RNFT2: variants seen among roughly 807,000 people sequenced by gnomAD.
The protein encoded by RNFT2 is E3 ubiquitin-protein ligase RNFT2.
A neutral mutation model predicts 53.0 loss-of-function variants in RNFT2; 36 were observed. The ratio of observed to expected loss-of-function variants is 0.68; its 90% CI spans 0.52 to 0.90. The LOEUF is 0.90. RNFT2 is among the 40% of genes least tolerant of loss of function. The pLI, the probability that RNFT2 is intolerant of heterozygous loss-of-function variation, is 0.00. For synonymous variants in RNFT2, 260 were observed against 253.2 expected (o/e 1.03, Z -0.26); for missense variants, 514 against 585.6 (o/e 0.88, Z 1.26).
chr12:116,793,968 G>A (rs1253011526), intron 7 of RNFT2, among the ~76,000 whole-genome samples: 1 of 152,138 alleles, frequency 6.6e-6, no homozygotes, highest in African/African-American at 2.4e-5. Flanking sequence ...ACCACTGTGG[G>A]CTGAATTCAG....
intron 7 of RNFT2, among the ~76,000 whole-genome samples, chr12:116,795,904 C>A (rs1161534317): frequency 6.6e-6 from 1 of 151,750 alleles, no homozygotes; most frequent in Admixed American, 6.6e-5. Flanking sequence ...CTCCAGTGGT[C>A]ATTTCTTTTT....
At chr12:116,757,624 C>T (rs1237481806) in intron 5 of RNFT2, among the ~76,000 whole-genome samples, 1 of 152,094 alleles carries the variant, frequency 6.6e-6, no homozygotes, top group African/African-American at 2.4e-5. Context: ...CATGTGTTTG[C>T]ATGGTTTTGA....
At chr12:116,753,187 G>A (rs1435366601) in intron 4 of RNFT2, among the ~76,000 whole-genome samples, 20 of 100,742 alleles carry the variant, frequency 2.0e-4, no homozygotes, top group Non-Finnish European at 3.3e-4. Flanking sequence ...GTCTTGCTCT[G>A]TTGCCCAGGC....
chr12:116,749,816 G>C, intron 3 of RNFT2, 25 bp from the exon 4 acceptor site: 1 of 1,553,094 alleles, frequency 6.4e-7, no homozygotes. Context: ...TGACTTCCTG[G>C]GGTTTCTCTC....
chr12:116,827,351 G>C (rs1163053883), intron 7 of RNFT2, among the ~76,000 whole-genome samples: 1 of 152,250 alleles, frequency 6.6e-6, no homozygotes. Context: ...AGTTAGCTGA[G>C]ACCCAAAAGA....
In RNFT2 at chr12:116,814,622, C is replaced by T. The variant is rs192958496; in HGVS notation, c.883-19170C>T. 1.9e-3 allele frequency among the ~76,000 whole-genome samples: 290 copies of T among 152,090 alleles called. 1 individual carries two copies. The highest frequency in any genetic ancestry group is 6.8e-3 in the African/African-American group (281 of 41,518). On this transcript the variant is annotated intron_variant, in intron 7 of 10. Coordinates refer to ENST00000257575, the MANE Select transcript of RNFT2 (RefSeq NM_001382266.1). ...GGGGCAGGGCAACTTCATGGGCAAG[C>T]ACCCTTTGCAGAAGGCCCAAACACT... is the stretch of plus-strand genomic sequence containing the variant.
intron 7 of RNFT2, among the ~76,000 whole-genome samples, chr12:116,796,921 C>T (rs1482628037): frequency 6.6e-6 from 1 of 152,220 alleles, no homozygotes; most frequent in African/African-American, 2.4e-5. Context: ...TAGTGATTCC[C>T]AACTAGGGGG....
At chr12:116,821,107 T>C (rs985274469) in intron 7 of RNFT2, among the ~76,000 whole-genome samples, 23 of 152,176 alleles carry the variant, frequency 1.5e-4, no homozygotes, top group African/African-American at 5.3e-4. Flanking sequence ...TCTTCCCCTG[T>C]TGCCTTCTCA....
At chr12:116,805,560 C>T (rs563610687) in intron 7 of RNFT2, among the ~76,000 whole-genome samples, 269 of 152,264 alleles carry the variant, frequency 1.8e-3, no homozygotes, top group Non-Finnish European at 2.5e-3. Flanking sequence ...GTATAACCTT[C>T]GCCTCCCGGG....
chr12:116,788,804 G>A (rs1234752682), intron 7 of RNFT2, among the ~76,000 whole-genome samples: 1 of 133,332 alleles, frequency 7.5e-6, no homozygotes, highest in African/African-American at 2.9e-5. Flanking sequence ...GATCATCTGG[G>A]AAGTTTGGTG....
At chr12:116,847,949 C>T (rs964096320) in intron 10 of RNFT2, among the ~76,000 whole-genome samples, 1 of 152,194 alleles carries the variant, frequency 6.6e-6, no homozygotes, top group Non-Finnish European at 1.5e-5. Context: ...AACCCATCAC[C>T]TAGGTATTAA....
intron 7 of RNFT2, among the ~76,000 whole-genome samples, chr12:116,802,837 G>C (rs755829226): frequency 2.0e-5 from 3 of 152,092 alleles, no homozygotes; most frequent in Non-Finnish European, 4.4e-5. Context: ...GCTCATGCCT[G>C]TAATCCTAGC....
intron 6 of RNFT2, among the ~76,000 whole-genome samples, chr12:116,768,001 G>C (rs1011228069): frequency 6.6e-6 from 1 of 151,698 alleles, no homozygotes; most frequent in Admixed American, 6.6e-5. Context: ...GAATAGTGCA[G>C]GTCTGGAATA....
Position 116,847,616 on chromosome 12 carries a change from C to A in RNFT2, c.1201-1698C>A, listed in dbSNP as rs1877687087. Among the ~76,000 whole-genome samples, 2 of 152,016 alleles carry A rather than the reference C, an allele frequency of 1.3e-5. 1 individual carries two copies. The highest frequency in any genetic ancestry group is 4.1e-4 in the South Asian group (2 of 4,826). Reference sequence around the variant, plus strand: ...GATCTCAGCTCACCGCAACCTCTGCCTCCAGGGTTCAAGTGATTCTCCTGC... The same window carrying A: ...GATCTCAGCTCACCGCAACCTCTGCATCCAGGGTTCAAGTGATTCTCCTGC... On this transcript the variant is annotated intron_variant, in intron 10 of 10. Coordinates refer to ENST00000257575, the MANE Select transcript of RNFT2 (RefSeq NM_001382266.1).
intron 7 of RNFT2, among the ~76,000 whole-genome samples, chr12:116,819,539 G>A (rs1440807655): frequency 2.6e-5 from 4 of 152,092 alleles, no homozygotes; most frequent in African/African-American, 7.2e-5. Flanking sequence ...GATCTCATCC[G>A]GGCCCGGGGG....
intron 5 of RNFT2, chr12:116,755,269 T>C (rs980583514): frequency 3.2e-6 from 2 of 625,380 alleles, no homozygotes; most frequent in Non-Finnish European, 5.6e-6. Flanking sequence ...TATGTTTTTG[T>C]TATGTTCAGT....
intron 6 of RNFT2, among the ~76,000 whole-genome samples, chr12:116,771,751 G>A (rs191830073): frequency 1.8e-3 from 278 of 152,172 alleles, no homozygotes; most frequent in African/African-American, 6.3e-3. Flanking sequence ...GCAATGTGGT[G>A]GGGCAAGTGG....
Position 116,792,132 on chromosome 12 carries a change from C to G in RNFT2, c.882+12784C>G, listed in dbSNP as rs553577399. ...TGGCACAATTTTGGCTCACAGCAAC[C>G]TCCACCTCCCAGGTTCAAGCAATTC... On this transcript the variant is annotated intron_variant, in intron 7 of 10. Transcript: ENST00000257575. Among the ~76,000 whole-genome samples the G allele has an allele frequency of 9.2e-5, 14 of 152,290 alleles. No homozygotes were observed. In the South Asian group the frequency reaches 2.9e-3, roughly 32 times the overall value.
intron 7 of RNFT2, among the ~76,000 whole-genome samples, chr12:116,799,009 T>C (rs1874641146): frequency 6.6e-6 from 1 of 151,874 alleles, no homozygotes; most frequent in African/African-American, 2.4e-5. Flanking sequence ...GATTGAGTTT[T>C]CTACAAAGGG....
Sources: gnomAD v4.1 joint callset for allele counts (sites outside exome capture counted in the v4.1 genomes callset) on GRCh38, gnomAD v4.1.1 for gene constraint, MANE v1.5 for transcripts, NCBI Gene and HGNC (gene_info 2026-07-23, HGNC 2026-07-21) for gene names.